The following HCN1 variants were observed in gnomAD, a reference collection of about 807,000 sequenced individuals.
The protein encoded by HCN1 is potassium/sodium hyperpolarization-activated cyclic nucleotide-gated channel 1.
HCN1 carries 13 observed loss-of-function variants against 78.9 expected under a neutral mutation model. The ratio of observed to expected loss-of-function variants is 0.16; its 90% confidence interval spans 0.11 to 0.26. HCN1 has a LOEUF of 0.26. Among genes scored for constraint, HCN1 ranks in the 10% least tolerant of loss-of-function variants. The probability of loss-of-function intolerance (pLI) is 1.00; values close to 1 mark genes in which losing one functional copy is unlikely to be tolerated. For missense variants in HCN1, 810 were observed against 1,154.3 expected (o/e 0.70, Z 4.32); for synonymous variants, 552 against 455.5 (o/e 1.21, Z -2.70).
chr5:45,633,866 C>T (rs529006377), intron 2 of HCN1, among the ~76,000 whole-genome samples: 7 of 151,900 alleles, frequency 4.6e-5, no homozygotes, highest in Admixed American at 2.0e-4. Context: ...CATTTTACCA[C>T]GACATGTGCT....
At chr5:45,276,564 T>C (rs1037651938) in intron 6 of HCN1, among the ~76,000 whole-genome samples, 1 of 152,094 alleles carries the variant, frequency 6.6e-6, no homozygotes. Context: ...AAATTAAAGA[T>C]AACATGAATT....
chr5:45,302,505 C>A (rs1255927545), intron 6 of HCN1, among the ~76,000 whole-genome samples: 1 of 151,984 alleles, frequency 6.6e-6, no homozygotes, highest in East Asian at 1.9e-4. Context: ...AGCAAACAGG[C>A]AGCCTTATCA....
intron 6 of HCN1, among the ~76,000 whole-genome samples, chr5:45,278,157 C>G (rs915954593): frequency 1.3e-5 from 2 of 152,024 alleles, no homozygotes; most frequent in Non-Finnish European, 2.9e-5. Flanking sequence ...TACTCGTGAC[C>G]TCTTTCAGGT....
intron 5 of HCN1, among the ~76,000 whole-genome samples, chr5:45,347,877 A>C (rs1290507323): frequency 6.6e-6 from 1 of 152,250 alleles, no homozygotes; most frequent in East Asian, 1.9e-4. Flanking sequence ...AAAAGACCAA[A>C]TCTACGTCTG....
At chr5:45,331,309 A>G (rs531936864) in intron 5 of HCN1, among the ~76,000 whole-genome samples, 1 of 151,320 alleles carries the variant, frequency 6.6e-6, no homozygotes, top group South Asian at 2.1e-4. Context: ...CATAAAGCAT[A>G]ATTTAATACA....
At chr5:45,630,820 T>A (rs773289010) in intron 2 of HCN1, among the ~76,000 whole-genome samples, 131 of 152,248 alleles carry the variant, frequency 8.6e-4, no homozygotes, top group Non-Finnish European at 1.6e-3. Context: ...CTGTTTTTTT[T>A]AAATTTTTTA....
Position 45,350,238 on chromosome 5 carries a change from G to A in HCN1, c.1377+2862C>T, listed in dbSNP as rs1018741212. Among the ~76,000 whole-genome samples the A allele has an allele frequency of 3.9e-5, 6 of 152,186 alleles. No individual in the cohort carries two copies. The East Asian group carries it at 1.2e-3, about 29-fold the overall frequency. On this transcript the variant is annotated intron_variant, in intron 5 of 7. Transcript: ENST00000303230. ...GTTCAATATATACAAATCAATAAAT[G>A]TAATCCAGCAAATAAACAGAACCAA... is the stretch of plus-strand genomic sequence containing the variant.
intron 5 of HCN1, among the ~76,000 whole-genome samples, chr5:45,304,063 T>G (rs1363512260): frequency 6.6e-6 from 1 of 152,162 alleles, no homozygotes; most frequent in African/African-American, 2.4e-5. Flanking sequence ...AGGAATGTAT[T>G]AAATATTCGA....
chr5:45,540,081 A>C (rs920159989), intron 2 of HCN1, among the ~76,000 whole-genome samples: 3 of 151,452 alleles, frequency 2.0e-5, no homozygotes, highest in Non-Finnish European at 2.9e-5. Context: ...ATCTTTGCAA[A>C]TAGTGCTATT....
chr5:45,316,526 C>G (rs1745997743), intron 5 of HCN1, among the ~76,000 whole-genome samples: 1 of 152,110 alleles, frequency 6.6e-6, no homozygotes, highest in South Asian at 2.1e-4. Flanking sequence ...CCCTCTCTCA[C>G]CACTCCTATT....
intron 2 of HCN1, among the ~76,000 whole-genome samples, chr5:45,623,619 T>C (rs1041908048): frequency 6.6e-6 from 1 of 152,224 alleles, no homozygotes; most frequent in African/African-American, 2.4e-5. Flanking sequence ...CTAACTATTA[T>C]AATTCAAAAG....
rs550925421 is a variant in HCN1, at chr5:45,421,068, C to T, written c.1012-24358G>A. Among the ~76,000 whole-genome samples, 187 of 151,660 alleles carry T rather than the reference C, an allele frequency of 1.2e-3. 1 individual carries two copies. Among genetic ancestry groups the T allele is most frequent in the African/African-American group, 4.4e-3 (180 of 41,366 alleles). The stretch of plus-strand genomic sequence containing the variant: ...TTCCTTCTCTCTTTCTCTCTTTCTT[C>T]TTTCTTTTTTTTTTGACAGAGTCTT... On this transcript the variant is annotated intron_variant, in intron 3 of 7. Transcript: ENST00000303230.
intron 2 of HCN1, among the ~76,000 whole-genome samples, chr5:45,632,539 A>C (rs1028833234): frequency 5.9e-5 from 9 of 152,050 alleles, no homozygotes; most frequent in Non-Finnish European, 1.0e-4. Context: ...TAAGAGTACG[A>C]ATTACAGCTG....
chr5:45,656,911 C>A (rs754479860), intron 1 of HCN1, among the ~76,000 whole-genome samples: 1 of 151,596 alleles, frequency 6.6e-6, no homozygotes, highest in Admixed American at 6.6e-5. Context: ...ATAAGAATGC[C>A]ATTTCTATCT....
intron 4 of HCN1, among the ~76,000 whole-genome samples, chr5:45,385,362 T>A (rs188437268): frequency 2.0e-3 from 303 of 152,226 alleles, no homozygotes; most frequent in Non-Finnish European, 3.4e-3. Context: ...CGATTTTTTT[T>A]AATTAAAAAA....
chr5:45,282,905 G>C (rs1375194199), intron 6 of HCN1, among the ~76,000 whole-genome samples: 1 of 152,078 alleles, frequency 6.6e-6, no homozygotes, highest in Non-Finnish European at 1.5e-5. Context: ...TAGTTGAGTT[G>C]ACATGTTTGT....
intron 2 of HCN1, among the ~76,000 whole-genome samples, chr5:45,567,078 A>G (rs540353107): frequency 6.6e-6 from 1 of 152,198 alleles, no homozygotes; most frequent in Non-Finnish European, 1.5e-5. Context: ...ACATAGGGGA[A>G]TTTCACTTAA....
chr5:45,492,523 T>TG (rs199751960), intron 2 of HCN1, among the ~76,000 whole-genome samples: 4,134 of 142,870 alleles, frequency 0.029, 271 homozygotes, highest in African/African-American at 0.1. Context: ...TTTTTTGTTT[T>TG]TTTTTTTTTT....
intron 1 of HCN1, among the ~76,000 whole-genome samples, chr5:45,685,650 T>C (rs1739790437): frequency 6.6e-6 from 1 of 151,776 alleles, no homozygotes; most frequent in South Asian, 2.1e-4. Context: ...AGGCAGAGGT[T>C]GCGGTGAGCC....
Sources: allele counts gnomAD v4.1 joint callset (sites outside exome capture counted in the v4.1 genomes callset), GRCh38; gene constraint gnomAD v4.1.1; transcripts MANE v1.5; gene names NCBI Gene and HGNC (gene_info 2026-07-23, HGNC 2026-07-21).